Variants in ANO3 observed in about 807,000 individuals in gnomAD.
ANO3 encodes anoctamin-3.
A neutral mutation model predicts 144.8 loss-of-function variants in ANO3; 99 were observed. The observed-to-expected ratio is 0.68, with a 90% confidence interval of 0.58 to 0.81. The LOEUF is 0.81. Among genes scored for constraint, ANO3 ranks in the 30% least tolerant of loss-of-function variants. The probability of loss-of-function intolerance (pLI) is 0.00; values close to 1 mark genes in which losing one functional copy is unlikely to be tolerated. For missense variants in ANO3, 905 were observed against 1,202.2 expected (o/e 0.75, Z 3.66); for synonymous variants, 414 against 392.6 (o/e 1.05, Z -0.64).
chr11:26,569,326 T>A (rs1411897150), intron 14 of ANO3, among the ~76,000 whole-genome samples: 1 of 152,162 alleles, frequency 6.6e-6, no homozygotes, highest in Non-Finnish European at 1.5e-5. Flanking sequence ...TTCAGTATGT[T>A]GTGAATACTA....
intron 1 of ANO3, among the ~76,000 whole-genome samples, chr11:26,322,362 T>G (rs1854780094): frequency 6.6e-6 from 1 of 152,124 alleles, no homozygotes; most frequent in Non-Finnish European, 1.5e-5. Context: ...TGAACCAGTA[T>G]TCATACATTA....
intron 1 of ANO3, among the ~76,000 whole-genome samples, chr11:26,278,412 C>T (rs992886163): frequency 6.6e-6 from 1 of 152,082 alleles, no homozygotes; most frequent in African/African-American, 2.4e-5. Flanking sequence ...GTTGAGAATA[C>T]AAAGTAATGA....
At chr11:26,646,794 C>T (rs1362780141) in intron 23 of ANO3, among the ~76,000 whole-genome samples, 2 of 152,014 alleles carry the variant, frequency 1.3e-5, no homozygotes, top group Non-Finnish European at 2.9e-5. Flanking sequence ...TAGTTTCTCC[C>T]AAAATATTTT....
chr11:26,407,530 G>C (rs1286318569), intron 1 of ANO3, among the ~76,000 whole-genome samples: 1 of 151,338 alleles, frequency 6.6e-6, no homozygotes, highest in Non-Finnish European at 1.5e-5. Context: ...CTTTTTTCTA[G>C]TCCCATAGCC....
chr11:26,447,399 GA>G, intron 3 of ANO3, among the ~76,000 whole-genome samples: 1 of 152,044 alleles, frequency 6.6e-6, no homozygotes, highest in Non-Finnish European at 1.5e-5. Flanking sequence ...CACCAAGAGA[GA>G]AAATAATTTG....
intron 14 of ANO3, among the ~76,000 whole-genome samples, chr11:26,594,675 G>T (rs113451872): frequency 6.6e-6 from 1 of 151,890 alleles, no homozygotes; most frequent in Non-Finnish European, 1.5e-5. Context: ...GTTGAAGGGG[G>T]GTCTTTATTA....
Position 26,244,974 on chromosome 11 carries a change from G to GGTGTGTGT in ANO3, c.154+55684_154+55691dup, listed in dbSNP as rs61543573. On this transcript the variant is annotated intron_variant, in intron 1 of 27. Transcript: ENST00000672621. ...ATATAGAAGAGTCTTCTGGTCTCCT[G>GGTGTGTGT]GTGTGTGTGTGTGTGTGTGTGTGTG... is the stretch of plus-strand genomic sequence containing the variant. Among the ~76,000 whole-genome samples the GGTGTGTGT allele has an allele frequency of 2.5e-3, 300 of 121,684 alleles. 2 individuals are homozygous for GGTGTGTGT. The highest frequency in any genetic ancestry group is 5.8e-3 in the Admixed American group (70 of 12,144). 79.8% of individuals were successfully genotyped at this position (121,684 alleles called of 152,430 possible). A position where few individuals can be genotyped will look rare whatever the true frequency, so the allele number is the denominator to read the frequency against.
intron 14 of ANO3, among the ~76,000 whole-genome samples, chr11:26,597,888 G>C (rs1011390274): frequency 2.0e-5 from 3 of 152,114 alleles, no homozygotes; most frequent in Non-Finnish European, 4.4e-5. Flanking sequence ...ATATGAATTT[G>C]GGAGTTTCTT....
At chr11:26,411,840 T>C (rs949665892) in intron 1 of ANO3, among the ~76,000 whole-genome samples, 3 of 151,988 alleles carry the variant, frequency 2.0e-5, no homozygotes, top group South Asian at 2.1e-4. Flanking sequence ...TATTTGAAGA[T>C]TGCAGTTGAC....
chr11:26,547,591 T>C (rs1272102696), intron 12 of ANO3, 41 bp downstream of exon 12: 1 of 1,584,796 alleles, frequency 6.3e-7, no homozygotes, highest in Admixed American at 1.7e-5. Flanking sequence ...TTGGCTTGTC[T>C]TCTGAATGGG....
At position 26,660,242 on chromosome 11, in the gene ANO3, T is replaced by C; in HGVS notation, c.2764-20T>C. On this transcript the variant is annotated intron_variant, in intron 26 of 26. Transcript: ENST00000256737. The stretch of plus-strand genomic sequence containing the variant: ...TTTCAGAATCTTTGAAAACTGTCCT[T>C]TTCACATTTAAATTTGCAGCACCTT... 6.2e-7 allele frequency: 1 copy of C among 1,610,914 alleles called. No individual in the cohort carries two copies. The highest frequency in any genetic ancestry group is 8.5e-7 in the Non-Finnish European group (1 of 1,177,924).
chr11:26,568,594 C>G (rs117054428), intron 14 of ANO3, among the ~76,000 whole-genome samples: 2 of 152,022 alleles, frequency 1.3e-5, no homozygotes, highest in East Asian at 3.9e-4. Context: ...ATTAAATACA[C>G]TAAATATGCT....
chr11:26,273,496 A>G (rs1220692767), intron 1 of ANO3, among the ~76,000 whole-genome samples: 1 of 152,148 alleles, frequency 6.6e-6, no homozygotes, highest in African/African-American at 2.4e-5. Context: ...TTGTTGTTAC[A>G]GGACAAGCTG....
chr11:26,204,593 G>A (rs1359850912), intron 1 of ANO3, among the ~76,000 whole-genome samples: 4 of 152,116 alleles, frequency 2.6e-5, no homozygotes, highest in Admixed American at 2.0e-4. Context: ...GCGCATGGGT[G>A]AGAATCCCAT....
At chr11:26,355,865 C>T (rs1009352570) in intron 1 of ANO3, among the ~76,000 whole-genome samples, 23 of 152,194 alleles carry the variant, frequency 1.5e-4, no homozygotes, top group African/African-American at 2.4e-4. Flanking sequence ...AAGCCCCCGC[C>T]GAAAATTCAT....
chr11:26,643,472 C>T (rs528301310), intron 23 of ANO3, 138 bp downstream of exon 23: 3 of 1,100,368 alleles, frequency 2.7e-6, no homozygotes, highest in African/African-American at 3.2e-5. Context: ...AGTGATTAAG[C>T]TGGCCGGGCG....
At chr11:26,556,036 T>A (rs963564100) in intron 13 of ANO3, among the ~76,000 whole-genome samples, 1 of 152,192 alleles carries the variant, frequency 6.6e-6, no homozygotes, top group African/African-American at 2.4e-5. Flanking sequence ...TTCAGTGATA[T>A]GTTTGCATGG....
intron 1 of ANO3, among the ~76,000 whole-genome samples, chr11:26,291,764 CT>C (rs1372067241): frequency 6.6e-6 from 1 of 152,164 alleles, no homozygotes; most frequent in Non-Finnish European, 1.5e-5. Flanking sequence ...TGTAGAGTTT[CT>C]GCTGAGAGAT....
At chr11:26,478,211 C>T (rs766470597) in intron 4 of ANO3, among the ~76,000 whole-genome samples, 16 of 152,094 alleles carry the variant, frequency 1.1e-4, no homozygotes, top group Non-Finnish European at 1.8e-4. Context: ...GCTCTGGAGA[C>T]CACCAAGCCT....
Sources: allele counts gnomAD v4.1 joint callset (sites outside exome capture counted in the v4.1 genomes callset), GRCh38; gene constraint gnomAD v4.1.1; transcripts MANE v1.5; gene names NCBI Gene and HGNC (gene_info 2026-07-23, HGNC 2026-07-21).